The following NELFA variants were observed in gnomAD, a reference collection of about 807,000 sequenced individuals.
The protein encoded by NELFA is negative elongation factor complex member A.
In NELFA, 35 loss-of-function variants were observed where a neutral mutation model predicts 51.8. The ratio of observed to expected loss-of-function variants is 0.68; its 90% CI spans 0.52 to 0.90. The LOEUF is 0.90. NELFA is among the 40% of genes least tolerant of loss of function. NELFA has a pLI of 0.00. For synonymous variants in NELFA, 417 were observed against 338.4 expected, an observed-to-expected ratio of 1.23 and a Z score of -2.55; for missense variants, 658 against 746.4, an observed-to-expected ratio of 0.88 and a Z score of 1.38.
At chr4:1,986,461 C>G (rs773406107) in intron 4 of NELFA, 59 bp from the exon 5 acceptor site, 3 of 1,609,208 alleles carry the variant, frequency 1.9e-6, no homozygotes, top group Non-Finnish European at 2.5e-6. Flanking sequence ...TCCCCCACCC[C>G]GAGCTCAGAA....
chr4:1,987,903 G>C lies in NELFA; in HGVS notation c.634+15C>G, dbSNP rs756481294. ...CCCAAAAGCAAGGCTCACGGCACCA[G>C]GGTGGGGGCCTTACTGGTGGTGTCC... On this transcript the variant is annotated intron_variant, in intron 4 of 10. Transcript: ENST00000382882. 4.4e-6 allele frequency: 7 copies of C among 1,594,084 alleles called. No homozygotes were observed. The Admixed American group carries it at 5.3e-5, about 12-fold the overall frequency.
intron 1 of NELFA, 101 bp from the exon 2 acceptor site, chr4:1,991,816 C>G: frequency 7.9e-7 from 1 of 1,270,948 alleles, no homozygotes; most frequent in Non-Finnish European, 1.1e-6. Context: ...GCCGGGCTCT[C>G]TGGCAGTTGC....
intron 2 of NELFA, chr4:1,990,627 G>A (rs1560868035): frequency 2.4e-6 from 1 of 410,086 alleles, no homozygotes; most frequent in East Asian, 7.3e-5. Flanking sequence ...GGAGTGTGCA[G>A]CCTCGATGTC....
At chr4:1,992,874 G>C (rs1047351329) in intron 1 of NELFA, among the ~76,000 whole-genome samples, 62 of 152,196 alleles carry the variant, frequency 4.1e-4, no homozygotes, top group African/African-American at 1.4e-3. Context: ...GCTGCCCTCA[G>C]GAGTCAAGAA....
At chr4:1,985,718 C>T (rs1003393274) in intron 7 of NELFA, 58 bp downstream of exon 7, 24 of 1,397,880 alleles carry the variant, frequency 1.7e-5, no homozygotes, top group Admixed American at 3.4e-5. Flanking sequence ...TGGCCACAAT[C>T]GGAACAAAAG....
intron 1 of NELFA, among the ~76,000 whole-genome samples, chr4:1,996,539 T>A (rs977892417): frequency 6.6e-6 from 1 of 152,218 alleles, no homozygotes; most frequent in Non-Finnish European, 1.5e-5. Flanking sequence ...CAGAAGCTGG[T>A]AGTTTGAAAA....
Position 1,987,991 on chromosome 4 carries a change from C to G in NELFA, c.561G>C (p.Gln187His). Residue 187 changes from glutamine to histidine, a missense_variant, in exon 4 of 11, where the codon CAG becomes CAC. This residue lies in a region of NELFA where 371 missense variants were observed against 448.3 expected (regional missense o/e 0.83). Transcript: ENST00000382882. ...ELLQKSTETAQQLKRSAGVPF... is the reference protein window; with the variant it reads ...ELLQKSTETAHQLKRSAGVPF... ...GCACCCCGGCGCTCCGCTTCAACTG[C>G]TGGGCGGTCTCCGTGGCTGGAAGGA... 6.2e-7 allele frequency: 1 copy of G among 1,610,966 alleles called. No homozygotes were observed. The highest frequency in any genetic ancestry group is 8.5e-7 in the Non-Finnish European group (1 of 1,179,770).
chr4:1,989,638 C>T lies in NELFA; in HGVS notation c.544+70G>A. On this transcript the variant is annotated intron_variant, in intron 3 of 10. Transcript: ENST00000382882. The surrounding 1 kb of genome is among the most constrained non-coding windows in gnomAD (Gnocchi z 4.8). ...CCACCTTGAAGGGGCAGTCTTGGTA[C>T]CTTAGAACCTAAGAAACCTATGACT... The T allele has an allele frequency of 2.0e-6, 3 of 1,525,530 alleles. No individual in the cohort carries two copies. The highest frequency in any genetic ancestry group is 2.7e-6 in the Non-Finnish European group (3 of 1,126,878). 94.5% of individuals were successfully genotyped at this position (1,525,530 alleles called of 1,614,324 possible). A position where few individuals can be genotyped will look rare whatever the true frequency, so the allele number is the denominator to read the frequency against.
intron 9 of NELFA, 26 bp from the exon 10 acceptor site, chr4:1,983,721 G>A: frequency 6.2e-7 from 1 of 1,611,366 alleles, no homozygotes; most frequent in Non-Finnish European, 8.5e-7. Flanking sequence ...GGGTGTGGGT[G>A]CCAGGGCCCC....
chr4:1,982,786 G>A lies in NELFA; in HGVS notation c.*533C>T, dbSNP rs1727924641. 1 of 149,868 alleles carries A rather than the reference G, an allele frequency of 6.7e-6. No individual in the cohort carries two copies. Among genetic ancestry groups the A allele is most frequent in the Non-Finnish European group, 1.5e-5 (1 of 66,496 alleles). 9.3% of individuals were successfully genotyped at this position (149,868 alleles called of 1,614,324 possible). A position where few individuals can be genotyped will look rare whatever the true frequency, so the allele number is the denominator to read the frequency against. Reference sequence around the variant, plus strand: ...TTTACAATGAAAATAGGTACCCAAAGACTGTCTTAAATGTCCACAACTATA... The same window carrying A: ...TTTACAATGAAAATAGGTACCCAAAAACTGTCTTAAATGTCCACAACTATA... On this transcript the variant is annotated 3_prime_UTR_variant, in exon 11 of 11. Coordinates refer to ENST00000382882, the MANE Select transcript of NELFA (RefSeq NM_005663.5).
At chr4:2,008,692 G>T in intron 1 of NELFA, 58 bp downstream of exon 1, 1 of 1,544,864 alleles carries the variant, frequency 6.5e-7, no homozygotes, top group Non-Finnish European at 8.8e-7. Context: ...TTGGGTGTGC[G>T]GGTCGGAGGT....
At chr4:1,985,003 T>C (rs1431354210) in intron 7 of NELFA, 84 bp from the exon 8 acceptor site, 6 of 973,912 alleles carry the variant, frequency 6.2e-6, no homozygotes, top group Non-Finnish European at 9.1e-6. Flanking sequence ...GGAGCTCCAC[T>C]GCCACAGGCT....
intron 4 of NELFA, 31 bp downstream of exon 4, chr4:1,987,887 A>T: frequency 6.4e-7 from 1 of 1,566,792 alleles, no homozygotes; most frequent in Non-Finnish European, 8.7e-7. Context: ...CCCCAAAAGC[A>T]AGGCTCACGG....
chr4:1,984,880 T>C lies in NELFA; in HGVS notation c.964A>G (p.Thr322Ala), dbSNP rs1346813209. ...SLNNEPALPS[T>A]SYLPSTPSVV... ...CTGGGCGTGGAGGGAAGGTAGCTCG[T>C]GGAGGGCAGCGCAGGCTCATTGTTC... Residue 322 changes from threonine to alanine, a missense_variant, in exon 8 of 11, where the codon ACG becomes GCG. Physicochemically the swap from Thr to Ala is moderately conservative, Grantham distance 58. Transcript: ENST00000382882. 3 of 1,580,502 alleles carry C rather than the reference T, an allele frequency of 1.9e-6. No individual in the cohort carries two copies. Among genetic ancestry groups the C allele is most frequent in the Non-Finnish European group, 2.6e-6 (3 of 1,162,484 alleles).
chr4:1,992,526 C>A, intron 1 of NELFA: 1 of 408,632 alleles, frequency 2.4e-6, no homozygotes, highest in South Asian at 1.7e-5. Flanking sequence ...CTGGGCTGCT[C>A]ACAGTGTGAG....
intron 7 of NELFA, 106 bp downstream of exon 7, chr4:1,985,670 G>A: frequency 1.2e-6 from 1 of 819,000 alleles, no homozygotes; most frequent in Non-Finnish European, 2.0e-6. Flanking sequence ...GCACACATAT[G>A]TACATACATA....
chr4:1,984,795 C>T lies in NELFA; in HGVS notation c.1036+13G>A. ...CAGCTTGGCTGGTTCCAGGCTGGGGCCAGCAGACTCACCTGGGGGCGTCTC... is the reference window on the plus strand; with the variant it reads ...CAGCTTGGCTGGTTCCAGGCTGGGGTCAGCAGACTCACCTGGGGGCGTCTC... On this transcript the variant is annotated intron_variant, in intron 8 of 10. Transcript: ENST00000382882. 6.5e-7 allele frequency: 1 copy of T among 1,547,370 alleles called. No individual in the cohort carries two copies. Among genetic ancestry groups the T allele is most frequent in the Non-Finnish European group, 8.7e-7 (1 of 1,143,334 alleles).
rs561668533 is a variant in NELFA, at chr4:1,987,674, G to A, written c.634+244C>T. 317 of 501,782 alleles carry A rather than the reference G, an allele frequency of 6.3e-4. 10 individuals are homozygous for A. The South Asian group carries it at 8.1e-3, about 13-fold the overall frequency. 31.1% of individuals were successfully genotyped at this position (501,782 alleles called of 1,614,324 possible). ...CTCAGATCCCGGCCTTCCTGTCTCC[G>A]TGCCCAGCACTGTCCTCAGATCCCG... On this transcript the variant is annotated intron_variant, in intron 4 of 10. Coordinates refer to ENST00000382882, the MANE Select transcript of NELFA (RefSeq NM_005663.5).
intron 1 of NELFA, among the ~76,000 whole-genome samples, chr4:1,992,803 G>A (rs867485687): frequency 6.6e-6 from 1 of 152,188 alleles, no homozygotes; most frequent in African/African-American, 2.4e-5. Context: ...GAGATCAGAG[G>A]TCGTGCCAGG....
Sources: gnomAD v4.1 joint callset for allele counts (sites outside exome capture counted in the v4.1 genomes callset) on GRCh38, gnomAD v4.1.1 for gene constraint, gnomAD v4.1.1 regional missense constraint, Gnocchi (gnomAD v3.1) non-coding constraint, MANE v1.5 for transcripts, NCBI Gene and HGNC (gene_info 2026-07-23, HGNC 2026-07-21) for gene names.